SEM1: variants seen among roughly 807,000 people sequenced by gnomAD.
SEM1 encodes the protein 26S proteasome complex subunit SEM1.
SEM1 carries 3 observed loss-of-function variants against 12.7 expected under a neutral mutation model. That is an observed-to-expected ratio of 0.24 (90% CI 0.11 to 0.61). The LOEUF (loss-of-function observed/expected upper bound fraction) is 0.61. Among genes scored for constraint, SEM1 ranks in the 20% least tolerant of loss-of-function variants. The pLI is 0.88. For missense variants in SEM1, 59 were observed against 81.3 expected, an observed-to-expected ratio of 0.73 and a Z score of 1.06; for synonymous variants, 30 against 27.8, an observed-to-expected ratio of 1.08 and a Z score of -0.25.
At chr7:96,531,651 T>C (rs979662985) in intron 2 of SEM1, among the ~76,000 whole-genome samples, 1 of 150,886 alleles carries the variant, frequency 6.6e-6, no homozygotes, top group Non-Finnish European at 1.5e-5. Flanking sequence ...TTCATATGTC[T>C]ATCAATCTTT....
chr7:96,561,366 G>A (rs1005762435), intron 2 of SEM1, among the ~76,000 whole-genome samples: 2 of 152,138 alleles, frequency 1.3e-5, no homozygotes, highest in African/African-American at 4.8e-5. Flanking sequence ...GAACAATTCA[G>A]GGAACTGCTG....
chr7:96,672,649 C>T (rs1789348260), downstream of SEM1: 1 of 152,192 alleles, frequency 6.6e-6, no homozygotes, highest in Non-Finnish European at 1.5e-5. Context: ...TTCTCACCAT[C>T]CCAAATCTGA....
chr7:96,484,862 T>C, intron 2 of SEM1: 1 of 1,287,958 alleles, frequency 7.8e-7, no homozygotes, highest in Non-Finnish European at 1.0e-6. Context: ...GAGCTGTAAA[T>C]ATTAGATTTC....
intron 2 of SEM1, among the ~76,000 whole-genome samples, chr7:96,562,007 G>T (rs993265032): frequency 2.6e-5 from 4 of 152,146 alleles, no homozygotes; most frequent in African/African-American, 9.7e-5. Context: ...AGGAAGGCCT[G>T]GTTATTCACT....
chr7:96,606,563 C>A (rs971307298), intron 2 of SEM1, among the ~76,000 whole-genome samples: 1 of 152,092 alleles, frequency 6.6e-6, no homozygotes, highest in Admixed American at 6.5e-5. Flanking sequence ...TGAGAGTAAA[C>A]AAAATTGTGG....
chr7:96,490,379 A>T (rs1802957953), intron 1 of SEM1, among the ~76,000 whole-genome samples: 1 of 152,212 alleles, frequency 6.6e-6, no homozygotes, highest in South Asian at 2.1e-4. Context: ...TATAGGGAAC[A>T]TACCTATAAA....
chr7:96,648,903 A>T (rs935265756), intron 2 of SEM1, among the ~76,000 whole-genome samples: 4 of 152,322 alleles, frequency 2.6e-5, no homozygotes, highest in African/African-American at 9.6e-5. Flanking sequence ...GCTTTCTCAC[A>T]TTGGGCCAAA....
chr7:96,559,567 C>T (rs1366993996), intron 2 of SEM1, among the ~76,000 whole-genome samples: 1 of 152,222 alleles, frequency 6.6e-6, no homozygotes, highest in Non-Finnish European at 1.5e-5. Flanking sequence ...AGTCACTGCA[C>T]CTGGCCCAAA....
chr7:96,541,444 T>G (rs573942274), intron 2 of SEM1, among the ~76,000 whole-genome samples: 3,160 of 62,734 alleles, frequency 0.05, 139 homozygotes, highest in African/African-American at 0.25. Flanking sequence ...TTTTTTTTTG[T>G]TTTTTTTTTT....
chr7:96,703,903 A>C (rs1373844147), intron 1 of SEM1, among the ~76,000 whole-genome samples: 1 of 151,738 alleles, frequency 6.6e-6, no homozygotes, highest in African/African-American at 2.4e-5. Flanking sequence ...AGGCCGTAAT[A>C]ATCTGTGACA....
chr7:96,556,925 C>T (rs1342407684), intron 2 of SEM1, among the ~76,000 whole-genome samples: 1 of 147,586 alleles, frequency 6.8e-6, no homozygotes, highest in Non-Finnish European at 1.5e-5. Flanking sequence ...TCCCTTCTCG[C>T]TTCATTTCAT....
intron 1 of SEM1, among the ~76,000 whole-genome samples, chr7:96,701,926 A>C (rs1790285285): frequency 6.6e-6 from 1 of 152,110 alleles, no homozygotes; most frequent in Non-Finnish European, 1.5e-5. Flanking sequence ...AAGTAGAGCA[A>C]GGAGGGCATT....
At chr7:96,596,741 A>G (rs1336778422) in intron 2 of SEM1, among the ~76,000 whole-genome samples, 5 of 152,218 alleles carry the variant, frequency 3.3e-5, no homozygotes, top group Non-Finnish European at 7.3e-5. Flanking sequence ...GTTTCACTGG[A>G]AAAATGATCC....
chr7:96,653,358 C>T (rs1286624598), intron 2 of SEM1, among the ~76,000 whole-genome samples: 1 of 152,212 alleles, frequency 6.6e-6, no homozygotes, highest in African/African-American at 2.4e-5. Context: ...TGCTCACCTA[C>T]TTATTGGGAT....
chr7:96,547,098 A>G (rs1805124695), intron 2 of SEM1, among the ~76,000 whole-genome samples: 1 of 152,142 alleles, frequency 6.6e-6, no homozygotes. Flanking sequence ...TTGAGACAGC[A>G]ATTACTGTAT....
intron 2 of SEM1, among the ~76,000 whole-genome samples, chr7:96,655,315 G>A (rs886970002): frequency 2.0e-5 from 3 of 152,096 alleles, no homozygotes; most frequent in East Asian, 3.9e-4. Flanking sequence ...CATTGCCATT[G>A]TTGTGTGGTT....
At chr7:96,587,547 G>A (rs989299076) in intron 2 of SEM1, among the ~76,000 whole-genome samples, 4 of 152,118 alleles carry the variant, frequency 2.6e-5, no homozygotes, top group African/African-American at 9.7e-5. Context: ...GTGAGTGTGT[G>A]CCTTGCTTCC....
intron 2 of SEM1, chr7:96,558,256 G>C (rs572458696): frequency 6.5e-6 from 1 of 152,922 alleles, no homozygotes; most frequent in African/African-American, 2.4e-5. Context: ...CATGTCCATG[G>C]CTGCCACATT....
At chr7:96,687,088 A>G (rs1337127069), downstream of SEM1, among the ~76,000 whole-genome samples, 4 of 152,210 alleles carry the variant, frequency 2.6e-5, no homozygotes, top group Non-Finnish European at 4.4e-5. Flanking sequence ...ACAATGAGAT[A>G]CCATCTCACA....
Sources: allele counts gnomAD v4.1 joint callset (sites outside exome capture counted in the v4.1 genomes callset), GRCh38; gene constraint gnomAD v4.1.1; transcripts MANE v1.5; gene names NCBI Gene and HGNC (gene_info 2026-07-23, HGNC 2026-07-21).